TIAM2: variants seen among roughly 807,000 people sequenced by gnomAD.
The protein encoded by TIAM2 is TIAM Rac1 associated GEF 2, also known as rho guanine nucleotide exchange factor TIAM2.
A neutral mutation model predicts 152.9 loss-of-function variants in TIAM2; 80 were observed. The ratio of observed to expected loss-of-function variants is 0.52; its 90% CI spans 0.44 to 0.63. The LOEUF (loss-of-function observed/expected upper bound fraction) is 0.63, where lower values mean the gene tolerates loss of function less well. TIAM2 is among the 30% of genes least tolerant of loss of function. TIAM2 has a pLI of 0.00. For synonymous variants in TIAM2, 804 were observed against 838.0 expected (o/e 0.96, Z 0.70); for missense variants, 1,965 against 2,120.1 (o/e 0.93, Z 1.44).
intron 15 of TIAM2, among the ~76,000 whole-genome samples, chr6:155,236,580 T>TTC (rs1782770862): frequency 6.6e-6 from 1 of 152,078 alleles, no homozygotes; most frequent in Non-Finnish European, 1.5e-5. Flanking sequence ...GGAGAATTGC[T>TTC]TGCACCCGGG....
At chr6:155,246,623 A>AC (rs1243402342) in intron 19 of TIAM2, among the ~76,000 whole-genome samples, 12 of 152,316 alleles carry the variant, frequency 7.9e-5, no homozygotes, top group African/African-American at 2.9e-4. Context: ...GGCATGAGCC[A>AC]CCACGCCTGG....
chr6:155,188,150 T>G (rs1300308733), intron 14 of TIAM2, among the ~76,000 whole-genome samples: 2 of 152,336 alleles, frequency 1.3e-5, no homozygotes, highest in East Asian at 3.9e-4. Flanking sequence ...TTAGGAATTG[T>G]GTGTCCCAAA....
chr6:155,248,408 C>T (rs528533476), intron 20 of TIAM2, among the ~76,000 whole-genome samples: 17 of 152,322 alleles, frequency 1.1e-4, no homozygotes, highest in African/African-American at 4.1e-4. Flanking sequence ...ATGATCTCAT[C>T]CGGGTAGCGC....
chr6:155,154,043 A>T (rs1252639206), intron 7 of TIAM2, among the ~76,000 whole-genome samples: 1 of 152,238 alleles, frequency 6.6e-6, no homozygotes, highest in African/African-American at 2.4e-5. Flanking sequence ...GAAGCCACAA[A>T]GGCAAAGGTA....
At chr6:155,075,044 A>G (rs1777925119) in intron 1 of TIAM2, among the ~76,000 whole-genome samples, 1 of 151,982 alleles carries the variant, frequency 6.6e-6, no homozygotes, top group East Asian at 1.9e-4. Flanking sequence ...GCTCTGGACC[A>G]GGGTGGCAGG....
Position 155,080,154 on chromosome 6 carries a change from A to G in TIAM2, c.-208-10135A>G, listed in dbSNP as rs1583180160. 2.6e-5 allele frequency among the ~76,000 whole-genome samples: 4 copies of G among 151,872 alleles called. No individual in the cohort carries two copies. In the South Asian group the frequency reaches 8.3e-4, roughly 32 times the overall value. ...TTCTCCCTTGCCAGAGAGGCACGTT[A>G]TCCGCCCCGTGGCTGTCAGCTTTAT... On this transcript the variant is annotated intron_variant, in intron 1 of 26. Coordinates refer to ENST00000682666, the MANE Select transcript of TIAM2 (RefSeq NM_012454.4).
chr6:155,034,361 C>T (rs1776882833), intron 1 of TIAM2, among the ~76,000 whole-genome samples: 1 of 152,198 alleles, frequency 6.6e-6, no homozygotes, highest in Non-Finnish European at 1.5e-5. Flanking sequence ...AGCAATTCTC[C>T]TGCCTCAGCC....
intron 14 of TIAM2, among the ~76,000 whole-genome samples, chr6:155,185,461 G>T (rs1330715722): frequency 6.6e-6 from 1 of 151,360 alleles, no homozygotes; most frequent in African/African-American, 2.4e-5. Context: ...TTTTTAAATA[G>T]TAAGGATCAA....
intron 1 of TIAM2, among the ~76,000 whole-genome samples, chr6:155,008,963 A>T (rs934970183): frequency 6.6e-6 from 1 of 152,138 alleles, no homozygotes; most frequent in African/African-American, 2.4e-5. Context: ...GAGGAAGAGC[A>T]TAATGGAAAG....
At position 155,213,123 on chromosome 6, in the gene TIAM2, G is replaced by A. The variant is rs370733074; in HGVS notation, c.3168+1816G>A. ...TTGTCACCTGTAATGTGGCGAGCAA[G>A]GGGCGTGTTTTGGCCCTGTTTGTGT... On this transcript the variant is annotated intron_variant, in intron 15 of 26. Coordinates refer to ENST00000682666, the MANE Select transcript of TIAM2 (RefSeq NM_012454.4). The surrounding 1 kb of genome is among the most constrained non-coding windows in gnomAD (Gnocchi z 4.2). Among the ~76,000 whole-genome samples, 3 of 152,294 alleles carry A rather than the reference G, an allele frequency of 2.0e-5. No individual in the cohort carries two copies. In the East Asian group the frequency reaches 5.8e-4, roughly 30 times the overall value.
intron 15 of TIAM2, among the ~76,000 whole-genome samples, chr6:155,221,140 CA>C (rs796835457): frequency 1.1e-4 from 8 of 72,290 alleles, no homozygotes; most frequent in East Asian, 6.1e-4. Context: ...AAAAAAAAAA[CA>C]AAAAAAAACA....
intron 1 of TIAM2, among the ~76,000 whole-genome samples, chr6:155,042,359 G>A (rs1402511501): frequency 2.0e-5 from 3 of 152,128 alleles, no homozygotes; most frequent in Non-Finnish European, 4.4e-5. Context: ...TGCCTGTAAG[G>A]CTGAGGCGGG....
intron 25 of TIAM2, 50 bp downstream of exon 25, chr6:155,254,110 T>C: frequency 6.4e-7 from 1 of 1,568,260 alleles, no homozygotes; most frequent in Admixed American, 1.7e-5. Flanking sequence ...CATAGAATTA[T>C]GTCTCTTAAG....
chr6:155,252,780 G>A, intron 23 of TIAM2, 168 bp from the exon 24 acceptor site: 1 of 596,726 alleles, frequency 1.7e-6, no homozygotes, highest in African/African-American at 1.9e-5. Context: ...AGCATGTGAG[G>A]TCTTTGAGAA....
chr6:155,114,036 ATTTTTTTTTTTTTC>A (rs1281636842), intron 2 of TIAM2, among the ~76,000 whole-genome samples: 457 of 34,860 alleles, frequency 0.013, 6 homozygotes, highest in Non-Finnish European at 0.02. Context: ...ATATATATAT[ATTTTTTTTTTTTTC>A]TTTTTTTTTT....
intron 2 of TIAM2, among the ~76,000 whole-genome samples, chr6:155,122,599 G>A (rs73004963): frequency 0.066 from 9,832 of 149,468 alleles, 524 homozygotes; most frequent in East Asian, 0.24. Context: ...TAATTGTCCC[G>A]TAAATAAAAA....
At chr6:155,192,401 A>T (rs1165564995) in intron 14 of TIAM2, among the ~76,000 whole-genome samples, 8 of 152,138 alleles carry the variant, frequency 5.3e-5, no homozygotes, top group Admixed American at 5.2e-4. Context: ...CACTATTGTC[A>T]TTACTCTAGT....
intron 22 of TIAM2, 23 bp from the exon 23 acceptor site, chr6:155,251,922 T>G: frequency 6.3e-7 from 1 of 1,579,198 alleles, no homozygotes; most frequent in Non-Finnish European, 8.7e-7. Context: ...ATAAAGACTT[T>G]CTTTCTCTTT....
intron 1 of TIAM2, among the ~76,000 whole-genome samples, chr6:155,038,190 T>C (rs1182302068): frequency 6.6e-6 from 1 of 152,220 alleles, no homozygotes; most frequent in Non-Finnish European, 1.5e-5. Context: ...AAGTCTCTGA[T>C]GGCCTGAGCT....
Sources: allele counts gnomAD v4.1 joint callset (sites outside exome capture counted in the v4.1 genomes callset), GRCh38; gene constraint gnomAD v4.1.1; non-coding constraint Gnocchi (gnomAD v3.1); transcripts MANE v1.5; gene names NCBI Gene and HGNC (gene_info 2026-07-23, HGNC 2026-07-21).